The following ENTHD1 variants were observed in gnomAD, a reference collection of about 807,000 sequenced individuals.
The protein encoded by ENTHD1 is ENTH domain containing 1.
In ENTHD1, 23 loss-of-function variants were observed where a neutral mutation model predicts 39.1. That is an observed-to-expected ratio of 0.59 (90% confidence interval 0.42 to 0.83). The LOEUF is 0.83. Ranked by LOEUF, ENTHD1 falls within the 40% of genes least tolerant of loss-of-function variation. ENTHD1 has a pLI of 0.00. For synonymous variants in ENTHD1, 230 were observed against 258.2 expected (o/e 0.89, Z 1.05); for missense variants, 624 against 705.4 (o/e 0.88, Z 1.31).
intron 2 of ENTHD1, among the ~76,000 whole-genome samples, chr22:39,873,295 C>T (rs1286649637): frequency 1.3e-5 from 2 of 152,054 alleles, no homozygotes; most frequent in African/African-American, 4.8e-5. Flanking sequence ...AATCTATAAT[C>T]CATACAATTC....
chr22:39,750,621 T>C (rs1352857729), intron 6 of ENTHD1: 1 of 152,766 alleles, frequency 6.5e-6, no homozygotes, highest in Non-Finnish European at 1.5e-5. Context: ...TTGGCTTGAA[T>C]GATGGGCCCA....
intron 1 of ENTHD1, among the ~76,000 whole-genome samples, chr22:39,888,263 T>TC (rs1007798897): frequency 4.6e-4 from 58 of 125,550 alleles, no homozygotes; most frequent in East Asian, 2.0e-3. Context: ...TTTCTTTCTT[T>TC]TTTTTTTTTT....
chr22:39,747,249 G>A (rs773992388), intron 6 of ENTHD1, among the ~76,000 whole-genome samples: 1 of 152,132 alleles, frequency 6.6e-6, no homozygotes, highest in Non-Finnish European at 1.5e-5. Flanking sequence ...TCAGCCTCCC[G>A]AAGCTGGGAT....
At position 39,773,043 on chromosome 22, in the gene ENTHD1, G is replaced by T. The variant is rs1284801032; in HGVS notation, c.833-7434C>A. Among the ~76,000 whole-genome samples, 3 of 149,546 alleles carry T rather than the reference G, an allele frequency of 2.0e-5. No individual in the cohort carries two copies. The East Asian group carries it at 5.9e-4, about 29-fold the overall frequency. On this transcript the variant is annotated intron_variant, in intron 5 of 6. Coordinates refer to ENST00000325157, the MANE Select transcript of ENTHD1 (RefSeq NM_152512.4). ...TTATGCCTGTAATCCCAGCATTTTGGGAGGCCAAAGCAGGTGGATCTCTTG... is the reference window on the plus strand; with the variant it reads ...TTATGCCTGTAATCCCAGCATTTTGTGAGGCCAAAGCAGGTGGATCTCTTG...
chr22:39,791,348 TA>T (rs1187838631), intron 5 of ENTHD1, among the ~76,000 whole-genome samples: 2 of 149,460 alleles, frequency 1.3e-5, no homozygotes, highest in East Asian at 1.9e-4. Flanking sequence ...AAAGATATAT[TA>T]AAAATATATG....
At chr22:39,787,055 G>GTA (rs2146594720) in intron 5 of ENTHD1, among the ~76,000 whole-genome samples, 1 of 152,156 alleles carries the variant, frequency 6.6e-6, no homozygotes, top group African/African-American at 2.4e-5. Flanking sequence ...TCATGTCTCT[G>GTA]TCATATTTTG....
intron 2 of ENTHD1, among the ~76,000 whole-genome samples, chr22:39,884,459 C>T (rs554949591): frequency 8.6e-5 from 13 of 151,940 alleles, no homozygotes; most frequent in East Asian, 3.9e-4. Context: ...GGATTATAGG[C>T]GTGAGTCACC....
intron 5 of ENTHD1, among the ~76,000 whole-genome samples, chr22:39,800,466 T>C (rs2065590078): frequency 6.6e-6 from 1 of 152,196 alleles, no homozygotes; most frequent in South Asian, 2.1e-4. Context: ...ATCCTGCGTG[T>C]CTAACCTACA....
chr22:39,811,701 T>C (rs940407860), intron 5 of ENTHD1, among the ~76,000 whole-genome samples: 3 of 152,158 alleles, frequency 2.0e-5, no homozygotes, highest in African/African-American at 7.2e-5. Context: ...AGATGAGGGC[T>C]GGGTGTGATG....
intron 5 of ENTHD1, among the ~76,000 whole-genome samples, chr22:39,790,963 T>A (rs1049109960): frequency 3.9e-5 from 6 of 151,918 alleles, no homozygotes; most frequent in Admixed American, 1.3e-4. Context: ...ACTGTGTGAG[T>A]GGGTGGGTGA....
At chr22:39,840,224 G>A (rs1197462356) in intron 3 of ENTHD1, among the ~76,000 whole-genome samples, 1 of 152,288 alleles carries the variant, frequency 6.6e-6, no homozygotes. Flanking sequence ...AAACCTCAGA[G>A]GAAAAAGTAA....
At chr22:39,861,116 C>T (rs996321465) in intron 3 of ENTHD1, among the ~76,000 whole-genome samples, 5 of 152,186 alleles carry the variant, frequency 3.3e-5, no homozygotes, top group African/African-American at 4.8e-5. Flanking sequence ...AACTGTACTC[C>T]TTCACTTTCC....
At chr22:39,811,016 G>A (rs1302281728) in intron 5 of ENTHD1, among the ~76,000 whole-genome samples, 1 of 152,142 alleles carries the variant, frequency 6.6e-6, no homozygotes, top group Non-Finnish European at 1.5e-5. Flanking sequence ...AGTGCTAAGT[G>A]GACTTATGCA....
At chr22:39,746,934 G>A in intron 6 of ENTHD1, among the ~76,000 whole-genome samples, 1 of 152,146 alleles carries the variant, frequency 6.6e-6, no homozygotes, top group East Asian at 1.9e-4. Context: ...GGGTATTCAT[G>A]GTTAATTGTT....
intron 5 of ENTHD1, among the ~76,000 whole-genome samples, chr22:39,812,851 C>T (rs1037181614): frequency 7.2e-5 from 11 of 152,114 alleles, no homozygotes; most frequent in Admixed American, 5.9e-4. Context: ...GGCACAATCT[C>T]GGCTCACTGC....
chr22:39,765,685 A>G (rs2065271097), intron 5 of ENTHD1, 76 bp from the exon 6 acceptor site: 1 of 1,346,978 alleles, frequency 7.4e-7, no homozygotes, highest in Non-Finnish European at 1.0e-6. Context: ...TTATAATTTT[A>G]ATAAATAGGA....
At chr22:39,868,142 T>G (rs1306322624) in intron 2 of ENTHD1, among the ~76,000 whole-genome samples, 1 of 151,726 alleles carries the variant, frequency 6.6e-6, no homozygotes, top group African/African-American at 2.4e-5. Context: ...GGATACAACT[T>G]ATTTGTGGCT....
At chr22:39,776,888 T>C (rs1569135672) in intron 5 of ENTHD1, among the ~76,000 whole-genome samples, 1 of 152,190 alleles carries the variant, frequency 6.6e-6, no homozygotes, top group Non-Finnish European at 1.5e-5. Flanking sequence ...AATAATACCA[T>C]TGCATTGTTT....
intron 2 of ENTHD1, among the ~76,000 whole-genome samples, chr22:39,871,196 TAAATAAATA>T (rs2146744576): frequency 6.6e-6 from 1 of 150,456 alleles, no homozygotes; most frequent in East Asian, 1.9e-4. Context: ...AATAAATAAA[TAAATAAATA>T]AATAAATAAA....
Sources: gnomAD v4.1 joint callset for allele counts (sites outside exome capture counted in the v4.1 genomes callset) on GRCh38, gnomAD v4.1.1 for gene constraint, MANE v1.5 for transcripts, NCBI Gene and HGNC (gene_info 2026-07-23, HGNC 2026-07-21) for gene names.